Variants in TBC1D19 observed in about 807,000 individuals in gnomAD.
TBC1D19 encodes the protein TBC1 domain family member 19.
In TBC1D19, 60 loss-of-function variants were observed where a neutral mutation model predicts 89.0. The observed-to-expected ratio is 0.67, with a 90% CI of 0.55 to 0.84. The LOEUF is 0.84. TBC1D19 is among the 40% of genes least tolerant of loss of function. TBC1D19 has a pLI of 0.00. For synonymous variants in TBC1D19, 189 were observed against 199.7 expected (o/e 0.95, Z 0.45); for missense variants, 500 against 610.8 (o/e 0.82, Z 1.91).
chr4:26,813,854 TGAA>T, the TBC1D19 span, among the ~76,000 whole-genome samples: 2 of 152,126 alleles, frequency 1.3e-5, no homozygotes, highest in African/African-American at 4.8e-5. Context: ...AGGCTCTGGC[TGAA>T]GAACTGAGGG....
At chr4:26,849,014 A>G in the TBC1D19 span, among the ~76,000 whole-genome samples, 1 of 152,080 alleles carries the variant, frequency 6.6e-6, no homozygotes, top group African/African-American at 2.4e-5. Context: ...CACAAAAAAT[A>G]AACAAAAATT....
At chr4:26,784,325 G>A in the TBC1D19 span, among the ~76,000 whole-genome samples, 2 of 152,130 alleles carry the variant, frequency 1.3e-5, no homozygotes, top group Non-Finnish European at 2.9e-5. Context: ...AAGAATCTTG[G>A]AGACTGGGTC....
the TBC1D19 span, among the ~76,000 whole-genome samples, chr4:26,820,748 C>A: frequency 1.3e-5 from 2 of 152,096 alleles, no homozygotes; most frequent in African/African-American, 4.8e-5. Context: ...TTTTGAGGAA[C>A]CTCCATGCTG....
chr4:26,769,833 A>C, the TBC1D19 span, among the ~76,000 whole-genome samples: 1 of 152,108 alleles, frequency 6.6e-6, no homozygotes, highest in East Asian at 1.9e-4. Flanking sequence ...CAGGCATGAG[A>C]CACCAAGTCC....
At chr4:26,593,680 G>T (rs1312035632) in intron 1 of TBC1D19, among the ~76,000 whole-genome samples, 2 of 152,096 alleles carry the variant, frequency 1.3e-5, no homozygotes, top group Non-Finnish European at 2.9e-5. Context: ...GTGGGCAAAG[G>T]ATATGAACAG....
chr4:26,756,500 C>G (rs1041424365), downstream of TBC1D19, among the ~76,000 whole-genome samples: 1 of 152,082 alleles, frequency 6.6e-6, no homozygotes, highest in East Asian at 1.9e-4. Flanking sequence ...AATTTTGGTC[C>G]TCCTGTAAAT....
chr4:26,641,169 T>C (rs182701076), intron 7 of TBC1D19, among the ~76,000 whole-genome samples: 1 of 152,272 alleles, frequency 6.6e-6, no homozygotes, highest in East Asian at 1.9e-4. Flanking sequence ...TGACACCTCA[T>C]ACAGGCCAGT....
At chr4:26,649,756 C>T (rs1391967690) in intron 7 of TBC1D19, among the ~76,000 whole-genome samples, 1 of 151,570 alleles carries the variant, frequency 6.6e-6, no homozygotes, top group Non-Finnish European at 1.5e-5. Context: ...TACATGTGCA[C>T]AACGTGCAGG....
the TBC1D19 span, among the ~76,000 whole-genome samples, chr4:26,834,954 G>T: frequency 6.6e-6 from 1 of 152,296 alleles, no homozygotes. Flanking sequence ...TATGTGTGTA[G>T]AACTGAACTG....
chr4:26,773,768 T>C, the TBC1D19 span, among the ~76,000 whole-genome samples: 1 of 152,198 alleles, frequency 6.6e-6, no homozygotes, highest in Non-Finnish European at 1.5e-5. Flanking sequence ...AAAGATCAGA[T>C]GGTTTGTAGG....
At chr4:26,743,853 A>G (rs902434451) in intron 18 of TBC1D19, among the ~76,000 whole-genome samples, 7 of 151,636 alleles carry the variant, frequency 4.6e-5, no homozygotes, top group Admixed American at 6.6e-5. Flanking sequence ...TTTCTTTACT[A>G]GGATGAAGAC....
At chr4:26,634,829 T>A (rs1743026003) in intron 4 of TBC1D19, among the ~76,000 whole-genome samples, 1 of 152,136 alleles carries the variant, frequency 6.6e-6, no homozygotes, top group East Asian at 1.9e-4. Flanking sequence ...TTTTTGAAAT[T>A]GTTGCTGATC....
chr4:26,720,093 T>G lies in TBC1D19; in HGVS notation c.1052T>G (p.Leu351Arg). 6.2e-7 allele frequency: 1 copy of G among 1,604,698 alleles called. No homozygotes were observed. The highest frequency in any genetic ancestry group is 8.5e-7 in the Non-Finnish European group (1 of 1,175,212). The change falls in exon 15 of 21, where the codon CTG (leucine) becomes CGG (arginine). Residue 351 changes from leucine to arginine, a missense_variant. Physicochemically the swap from Leu to Arg is moderately radical, Grantham distance 102. Around this residue, in one of 2 missense-constraint regions of TBC1D19, gnomAD observed 220 missense variants for 319.1 expected, o/e 0.69. Transcript: ENST00000264866. ...TTTTCTCTTATAGGAAAACTAGGAC[T>G]GGAAGAATATGCTGTCTTTTACCCA... ...PKSYIRGKLG[L>R]EEYAVFYPPN...
intron 13 of TBC1D19, among the ~76,000 whole-genome samples, chr4:26,697,334 G>C (rs1053993771): frequency 2.6e-5 from 4 of 152,088 alleles, no homozygotes; most frequent in Non-Finnish European, 5.9e-5. Context: ...TCTCTGAATG[G>C]AACAATAACA....
chr4:26,659,736 C>A (rs1342428621), intron 8 of TBC1D19, 29 bp downstream of exon 8: 8 of 1,404,768 alleles, frequency 5.7e-6, no homozygotes, highest in South Asian at 1.3e-5. Context: ...AAATAAACAT[C>A]ATTTAGAAGA....
intron 13 of TBC1D19, among the ~76,000 whole-genome samples, chr4:26,717,708 T>C (rs763621602): frequency 1.3e-5 from 2 of 152,046 alleles, no homozygotes; most frequent in East Asian, 1.9e-4. Context: ...AGTTAGCAGT[T>C]TGCATTTTCT....
chr4:26,803,284 A>T, the TBC1D19 span, among the ~76,000 whole-genome samples: 1 of 152,342 alleles, frequency 6.6e-6, no homozygotes, highest in Non-Finnish European at 1.5e-5. Flanking sequence ...GTTACATGGA[A>T]GATTTCTCAC....
At chr4:26,795,761 G>A in the TBC1D19 span, among the ~76,000 whole-genome samples, 1 of 152,042 alleles carries the variant, frequency 6.6e-6, no homozygotes, top group African/African-American at 2.4e-5. Flanking sequence ...AAATTATCTT[G>A]GAAGTTATGT....
At chr4:26,740,370 G>A (rs1157386683) in intron 17 of TBC1D19, among the ~76,000 whole-genome samples, 3 of 152,080 alleles carry the variant, frequency 2.0e-5, no homozygotes, top group South Asian at 2.1e-4. Flanking sequence ...TTGGCTCCTC[G>A]CAGGTGTTCA....
Sources: allele counts gnomAD v4.1 joint callset (sites outside exome capture counted in the v4.1 genomes callset), GRCh38; gene constraint gnomAD v4.1.1; regional missense constraint gnomAD v4.1.1; transcripts MANE v1.5; gene names NCBI Gene and HGNC (gene_info 2026-07-23, HGNC 2026-07-21).